Variants in CYP19A1 observed in about 807,000 individuals in gnomAD.
CYP19A1 encodes the protein cytochrome P450 family 19 subfamily A member 1.
CYP19A1 carries 32 observed loss-of-function variants against 44.4 expected under a neutral mutation model. That is an observed-to-expected ratio of 0.72 (90% CI 0.54 to 0.97). The LOEUF (loss-of-function observed/expected upper bound fraction) is 0.97, where lower values mean the gene tolerates loss of function less well. Among genes scored for constraint, CYP19A1 ranks in the 50% least tolerant of loss-of-function variants. The pLI is 0.00. For missense variants in CYP19A1, 598 were observed against 637.8 expected, an observed-to-expected ratio of 0.94 and a Z score of 0.67; for synonymous variants, 212 against 215.6, an observed-to-expected ratio of 0.98 and a Z score of 0.14.
intron 1 of CYP19A1, among the ~76,000 whole-genome samples, chr15:51,328,033 A>G (rs1566927767): frequency 6.6e-6 from 1 of 152,254 alleles, no homozygotes; most frequent in Admixed American, 6.5e-5. Flanking sequence ...ACCTATGTGT[A>G]GAGTCGCCAT....
At chr15:51,331,461 T>C (rs2036699562) in intron 1 of CYP19A1, among the ~76,000 whole-genome samples, 1 of 152,084 alleles carries the variant, frequency 6.6e-6, no homozygotes, top group Admixed American at 6.5e-5. Context: ...TTTAGGGAAA[T>C]CTCTCCTCAT....
chr15:51,244,672 A>T (rs545682623), intron 1 of CYP19A1, among the ~76,000 whole-genome samples: 1 of 152,288 alleles, frequency 6.6e-6, no homozygotes, highest in Non-Finnish European at 1.5e-5. Context: ...GAAACCTGAA[A>T]CCATTGTTCA....
In CYP19A1 at chr15:51,257,873, A is replaced by G. The variant is rs182822847; in HGVS notation, c.-38-14923T>C. 5.9e-5 allele frequency among the ~76,000 whole-genome samples: 9 copies of G among 152,358 alleles called. No homozygotes were observed. The East Asian group carries it at 1.7e-3, about 29-fold the overall frequency. On this transcript the variant is annotated intron_variant, in intron 1 of 9. Coordinates refer to ENST00000396402, the MANE Select transcript of CYP19A1 (RefSeq NM_000103.4). ...GGGCATTTTGTGTGTGCAAATGTGT[A>G]CATACTGGTAAATGTACATGCATGC... is the stretch of plus-strand genomic sequence containing the variant.
chr15:51,208,463 T>C lies in CYP19A1; in HGVS notation c.*2345A>G, dbSNP rs1404325486. On this transcript the variant is annotated 3_prime_UTR_variant, in exon 10 of 10. Coordinates refer to ENST00000396402, the MANE Select transcript of CYP19A1 (RefSeq NM_000103.4). ...GCAGTTCTTTCAGAACTGATGAAAA[T>C]GGAATCCACAGCACATTGCACATTC... is the stretch of plus-strand genomic sequence containing the variant. 6.6e-6 allele frequency: 1 copy of C among 152,156 alleles called. No individual in the cohort carries two copies. The highest frequency in any genetic ancestry group is 2.4e-5 in the African/African-American group (1 of 41,434). The allele number at this position is 152,156 out of a possible 1,614,324, so 9.4% of individuals were successfully genotyped here. A position where few individuals can be genotyped will look rare whatever the true frequency, so the allele number is the denominator to read the frequency against.
intron 1 of CYP19A1, among the ~76,000 whole-genome samples, chr15:51,290,293 A>G (rs2035812536): frequency 6.6e-6 from 1 of 152,220 alleles, no homozygotes; most frequent in Admixed American, 6.5e-5. Flanking sequence ...ATGGTGGTGA[A>G]CAGCAAAGTT....
intron 6 of CYP19A1, among the ~76,000 whole-genome samples, chr15:51,216,210 G>C (rs1304951579): frequency 6.6e-6 from 1 of 151,976 alleles, no homozygotes; most frequent in African/African-American, 2.4e-5. Context: ...TTTGCCACAG[G>C]AACCTCCATT....
intron 1 of CYP19A1, among the ~76,000 whole-genome samples, chr15:51,253,072 C>T (rs2034384056): frequency 6.6e-6 from 1 of 152,174 alleles, no homozygotes; most frequent in African/African-American, 2.4e-5. Flanking sequence ...CCTCCCCACA[C>T]CATTCACATT....
chr15:51,210,496 T>C lies in CYP19A1; in HGVS notation c.*312A>G, dbSNP rs2030828111. The C allele has an allele frequency of 3.6e-6, 2 of 551,186 alleles. No homozygotes were observed. The highest frequency in any genetic ancestry group is 3.1e-5 in the South Asian group (2 of 64,996). The allele number at this position is 551,186 out of a possible 1,614,324, so 34.1% of individuals were successfully genotyped here. A position where few individuals can be genotyped will look rare whatever the true frequency, so the allele number is the denominator to read the frequency against. On this transcript the variant is annotated 3_prime_UTR_variant, in exon 10 of 10. Coordinates refer to ENST00000396402, the MANE Select transcript of CYP19A1 (RefSeq NM_000103.4). ...CTACTGGGGAACCAGACATACATTT[T>C]GTTAATGAAGGCCTATCCTTCTCAA...
chr15:51,301,560 G>A (rs1403730037), intron 1 of CYP19A1, among the ~76,000 whole-genome samples: 1 of 152,158 alleles, frequency 6.6e-6, no homozygotes, highest in Non-Finnish European at 1.5e-5. Flanking sequence ...CCCCTATTTG[G>A]GCTGACCCCC....
At chr15:51,226,943 C>T (rs2032634811) in intron 4 of CYP19A1, among the ~76,000 whole-genome samples, 1 of 152,080 alleles carries the variant, frequency 6.6e-6, no homozygotes, top group South Asian at 2.1e-4. Flanking sequence ...CCTCTCAGTT[C>T]TAAAATTATC....
intron 1 of CYP19A1, among the ~76,000 whole-genome samples, chr15:51,314,531 C>A (rs1460366450): frequency 6.6e-6 from 1 of 152,102 alleles, no homozygotes; most frequent in Non-Finnish European, 1.5e-5. Flanking sequence ...TTTAGTAACA[C>A]CCCCTGGAGA....
intron 3 of CYP19A1, among the ~76,000 whole-genome samples, chr15:51,233,713 G>A (rs1377353442): frequency 6.6e-6 from 1 of 152,066 alleles, no homozygotes; most frequent in African/African-American, 2.4e-5. Flanking sequence ...ACCCAAATTA[G>A]CATGCTAATT....
At chr15:51,299,079 C>G (rs1174850661) in intron 1 of CYP19A1, among the ~76,000 whole-genome samples, 2 of 152,202 alleles carry the variant, frequency 1.3e-5, no homozygotes, top group African/African-American at 4.8e-5. Context: ...AGGTGAGGGG[C>G]CTTCCGCCAA....
chr15:51,291,184 G>A (rs990043227), intron 1 of CYP19A1, among the ~76,000 whole-genome samples: 1 of 152,154 alleles, frequency 6.6e-6, no homozygotes, highest in African/African-American at 2.4e-5. Context: ...GTTTTTGGGT[G>A]GGAATATGAT....
intron 1 of CYP19A1, among the ~76,000 whole-genome samples, chr15:51,269,748 C>G (rs1237460239): frequency 6.6e-6 from 1 of 152,194 alleles, no homozygotes; most frequent in African/African-American, 2.4e-5. Flanking sequence ...TGGGGGTTCC[C>G]TACTGCTGAC....
chr15:51,224,891 T>G (rs1797309918), intron 4 of CYP19A1, among the ~76,000 whole-genome samples: 1 of 152,238 alleles, frequency 6.6e-6, no homozygotes, highest in South Asian at 2.1e-4. Context: ...GGATGCATCA[T>G]GTCTATCTAT....
chr15:51,273,392 C>T (rs2140956996), intron 1 of CYP19A1, among the ~76,000 whole-genome samples: 1 of 152,290 alleles, frequency 6.6e-6, no homozygotes, highest in Middle Eastern at 3.4e-3. Flanking sequence ...TCCAGGGAAG[C>T]AGTTAGTTAA....
intron 1 of CYP19A1, among the ~76,000 whole-genome samples, chr15:51,284,272 T>C (rs1318375039): frequency 1.3e-5 from 2 of 152,202 alleles, no homozygotes; most frequent in African/African-American, 2.4e-5. Context: ...ATAGTGACTA[T>C]TTAGGGAAAG....
intron 6 of CYP19A1, among the ~76,000 whole-genome samples, chr15:51,217,157 A>C (rs1016276463): frequency 4.6e-5 from 7 of 152,220 alleles, no homozygotes; most frequent in African/African-American, 1.7e-4. Context: ...TAGGCTGAGA[A>C]TGCTCATAGC....
Sources: allele counts gnomAD v4.1 joint callset (sites outside exome capture counted in the v4.1 genomes callset), GRCh38; gene constraint gnomAD v4.1.1; transcripts MANE v1.5; gene names NCBI Gene and HGNC (gene_info 2026-07-23, HGNC 2026-07-21).